The following UPF2 variants were observed in gnomAD, a reference collection of about 807,000 sequenced individuals.
The protein encoded by UPF2 is regulator of nonsense transcripts 2.
In UPF2, 17 loss-of-function variants were observed where a neutral mutation model predicts 141.4. The observed-to-expected ratio is 0.12, with a 90% CI of 0.08 to 0.18. The LOEUF (loss-of-function observed/expected upper bound fraction) is 0.18, where lower values mean the gene tolerates loss of function less well. UPF2 is among the 10% of genes least tolerant of loss of function. The pLI, the probability that UPF2 is intolerant of heterozygous loss-of-function variation, is 1.00. For synonymous variants in UPF2, 540 were observed against 498.0 expected (o/e 1.08, Z -1.12); for missense variants, 1,152 against 1,515.9 (o/e 0.76, Z 3.99).
At chr10:12,007,822 C>T (rs1455624972) in intron 4 of UPF2, among the ~76,000 whole-genome samples, 2 of 134,974 alleles carry the variant, frequency 1.5e-5, no homozygotes, top group East Asian at 2.1e-4. Context: ...CACAGCAAGG[C>T]GCCGTCTCAA....
At chr10:12,035,724 C>CAAG in intron 1 of UPF2, 3 of 234,026 alleles carry the variant, frequency 1.3e-5, no homozygotes. Context: ...GGAACCTCCA[C>CAAG]GTACCCATCA....
intron 8 of UPF2, among the ~76,000 whole-genome samples, chr10:11,994,476 G>A (rs1270472265): frequency 1.3e-5 from 2 of 152,186 alleles, no homozygotes; most frequent in African/African-American, 4.8e-5. Context: ...CTACTGAAAG[G>A]AGTGGAAATT....
At chr10:11,946,972 T>TG in intron 16 of UPF2, among the ~76,000 whole-genome samples, 1 of 152,262 alleles carries the variant, frequency 6.6e-6, no homozygotes, top group Admixed American at 6.5e-5. Context: ...AAGGCCAAGG[T>TG]GGGGGGATCA....
intron 10 of UPF2, 65 bp from the exon 11 acceptor site, chr10:11,964,190 T>G (rs1833282860): frequency 1.6e-6 from 2 of 1,228,286 alleles, no homozygotes; most frequent in Non-Finnish European, 2.3e-6. Context: ...GAAGAAATTA[T>G]CATACATCTA....
chr10:11,965,823 A>G (rs1164596850), intron 10 of UPF2, among the ~76,000 whole-genome samples: 1 of 152,156 alleles, frequency 6.6e-6, no homozygotes, highest in Non-Finnish European at 1.5e-5. Flanking sequence ...AATTTTGTTT[A>G]CCTCAGGATG....
chr10:11,981,319 G>A (rs1307784922), intron 8 of UPF2, among the ~76,000 whole-genome samples: 1 of 152,112 alleles, frequency 6.6e-6, no homozygotes, highest in Non-Finnish European at 1.5e-5. Flanking sequence ...AATGTGCTGG[G>A]CCCTGTCCTA....
chr10:11,967,625 C>G (rs1833343200), intron 9 of UPF2, among the ~76,000 whole-genome samples, 171 bp from the exon 10 acceptor site: 1 of 147,748 alleles, frequency 6.8e-6, no homozygotes, highest in Non-Finnish European at 1.5e-5. Flanking sequence ...TCTTGGCTCA[C>G]TGCAACCTCC....
At chr10:11,969,596 A>G (rs916500837) in intron 9 of UPF2, among the ~76,000 whole-genome samples, 2 of 152,222 alleles carry the variant, frequency 1.3e-5, no homozygotes, top group African/African-American at 4.8e-5. Flanking sequence ...ACTGCTTATT[A>G]TTAGCCTTGT....
chr10:12,033,837 C>A (rs551152744), intron 2 of UPF2, among the ~76,000 whole-genome samples: 1 of 152,126 alleles, frequency 6.6e-6, no homozygotes, highest in Non-Finnish European at 1.5e-5. Flanking sequence ...GCGTGAACCA[C>A]CATGCCCGGC....
At chr10:11,995,673 C>G (rs866972892) in intron 8 of UPF2, among the ~76,000 whole-genome samples, 3 of 152,170 alleles carry the variant, frequency 2.0e-5, no homozygotes, top group Admixed American at 6.5e-5. Flanking sequence ...GTCCCAGCTA[C>G]TCGGGAGGCT....
intron 14 of UPF2, among the ~76,000 whole-genome samples, chr10:11,954,996 A>G (rs1833126668): frequency 6.6e-6 from 1 of 152,090 alleles, no homozygotes; most frequent in Non-Finnish European, 1.5e-5. Flanking sequence ...AACAACTCCC[A>G]AAATTAATGA....
At chr10:12,033,136 G>GTGTA in intron 2 of UPF2, among the ~76,000 whole-genome samples, 1 of 152,296 alleles carries the variant, frequency 6.6e-6, no homozygotes, top group South Asian at 2.1e-4. Context: ...ACGCAAAGTA[G>GTGTA]TGTACATCTG....
intron 21 of UPF2, among the ~76,000 whole-genome samples, chr10:11,924,943 C>T (rs541174351): frequency 1.3e-4 from 20 of 152,202 alleles, no homozygotes; most frequent in African/African-American, 2.6e-4. Flanking sequence ...CTCAGACTCC[C>T]GAGTAGCTGG....
rs186134930 is a variant in UPF2, at chr10:11,923,597, T to C, written c.3810-2290A>G. 1.5e-3 allele frequency among the ~76,000 whole-genome samples: 232 copies of C among 151,244 alleles called. 1 individual carries two copies. The highest frequency in any genetic ancestry group is 5.2e-3 in the African/African-American group (214 of 41,170). ...TCGGGAGGCTGAGGCAGAGAATTGC[T>C]TGAACCCGGGAGGCGGAGGTTGCAG... On this transcript the variant is annotated intron_variant, in intron 21 of 21. Coordinates refer to ENST00000357604, the MANE Select transcript of UPF2 (RefSeq NM_015542.4).
intron 4 of UPF2, among the ~76,000 whole-genome samples, chr10:12,005,677 T>C (rs1588564766): frequency 6.6e-6 from 1 of 152,148 alleles, no homozygotes; most frequent in East Asian, 1.9e-4. Context: ...CAAGTAATTC[T>C]CCTGCCTCAG....
chr10:12,012,796 C>A (rs867658716), intron 4 of UPF2, among the ~76,000 whole-genome samples: 2,830 of 62,190 alleles, frequency 0.046, 13 homozygotes, highest in Middle Eastern at 0.086. Flanking sequence ...AAGACTCCGC[C>A]AAAAAAAAAA....
intron 5 of UPF2, among the ~76,000 whole-genome samples, chr10:12,002,144 G>A (rs547180617): frequency 6.6e-6 from 1 of 152,052 alleles, no homozygotes; most frequent in African/African-American, 2.4e-5. Flanking sequence ...GGTGGCACAT[G>A]TCTGTAATCC....
At chr10:11,971,624 A>G (rs1315830286) in intron 9 of UPF2, among the ~76,000 whole-genome samples, 3 of 152,104 alleles carry the variant, frequency 2.0e-5, no homozygotes, top group African/African-American at 7.2e-5. Context: ...ACAATGTAAC[A>G]TTTTCTATAT....
At chr10:12,007,834 G>GTAGTAA (rs1554782124) in intron 4 of UPF2, among the ~76,000 whole-genome samples, 59 of 134,564 alleles carry the variant, frequency 4.4e-4, no homozygotes, top group African/African-American at 1.4e-3. Context: ...CCGTCTCAAA[G>GTAGTAA]TAATAATAAT....
Sources: allele counts gnomAD v4.1 joint callset (sites outside exome capture counted in the v4.1 genomes callset), GRCh38; gene constraint gnomAD v4.1.1; transcripts MANE v1.5; gene names NCBI Gene and HGNC (gene_info 2026-07-23, HGNC 2026-07-21).